NKD2: variants seen among roughly 807,000 people sequenced by gnomAD.
NKD2 encodes NKD inhibitor of Wnt signaling pathway 2.
A neutral mutation model predicts 34.8 loss-of-function variants in NKD2; 43 were observed. The observed-to-expected ratio is 1.24, with a 90% CI of 0.97 to 1.60. The LOEUF is 1.60. NKD2 is among the 40% of genes most tolerant of loss of function. NKD2 has a pLI of 0.00. For missense variants in NKD2, 675 were observed against 627.1 expected (o/e 1.08, Z -0.82); for synonymous variants, 278 against 265.1 (o/e 1.05, Z -0.47).
chr5:1,015,819 G>A (rs1404245791), intron 3 of NKD2, among the ~76,000 whole-genome samples: 1 of 152,200 alleles, frequency 6.6e-6, no homozygotes, highest in African/African-American at 2.4e-5. Flanking sequence ...CTGTGGCTCC[G>A]TCCTCTCACA....
chr5:1,020,669 C>CTTTTT (rs576773512), intron 3 of NKD2, among the ~76,000 whole-genome samples: 18 of 114,200 alleles, frequency 1.6e-4, no homozygotes, highest in Admixed American at 1.8e-4. Context: ...TGTTGCTTGT[C>CTTTTT]TTTTTTTTTT....
intron 3 of NKD2, among the ~76,000 whole-genome samples, chr5:1,018,459 G>C (rs1421801317): frequency 1.3e-5 from 2 of 152,246 alleles, no homozygotes; most frequent in Non-Finnish European, 2.9e-5. Context: ...ACATGGGCCT[G>C]GGGAAGGTGC....
intron 3 of NKD2, among the ~76,000 whole-genome samples, chr5:1,010,827 C>G (rs958416498): frequency 6.6e-6 from 1 of 152,224 alleles, no homozygotes; most frequent in Non-Finnish European, 1.5e-5. Flanking sequence ...TCACCTCTCT[C>G]GTGGTCAGGG....
chr5:1,031,074 G>A (rs912792790), intron 3 of NKD2, among the ~76,000 whole-genome samples: 3 of 152,146 alleles, frequency 2.0e-5, no homozygotes, highest in African/African-American at 4.8e-5. Context: ...AGTGACCACG[G>A]TGGCAGGAGG....
intron 3 of NKD2, among the ~76,000 whole-genome samples, chr5:1,018,323 C>G (rs1309634741): frequency 6.6e-6 from 1 of 152,194 alleles, no homozygotes; most frequent in Non-Finnish European, 1.5e-5. Context: ...AAGCCATGTT[C>G]CTCGGGCTCC....
intron 3 of NKD2, among the ~76,000 whole-genome samples, chr5:1,028,656 G>C (rs1258912500): frequency 6.6e-6 from 1 of 152,162 alleles, no homozygotes; most frequent in Non-Finnish European, 1.5e-5. Flanking sequence ...GGGATGCAGA[G>C]CAGTGGGACA....
intron 3 of NKD2, among the ~76,000 whole-genome samples, chr5:1,025,700 T>G (rs773771179): frequency 3.6e-3 from 38 of 10,494 alleles, no homozygotes; most frequent in African/African-American, 4.5e-3. Context: ...CTTCCCACCC[T>G]CTGTGGGCGT....
chr5:1,033,413 G>C lies in NKD2; in HGVS notation c.244G>C (p.Gly82Arg). Reference protein sequence around the residue: ...AEKAEGREHPGQLLSADDGER... With the variant: ...AEKAEGREHPRQLLSADDGER... Reference sequence around the variant, plus strand: ...GAAAGCTGAGGGCCGCGAGCACCCGGGACAACTCCTCAGCGCAGATGACGG... The same window carrying C: ...GAAAGCTGAGGGCCGCGAGCACCCGCGACAACTCCTCAGCGCAGATGACGG... The change falls in exon 5 of 10, where the codon GGA (glycine) becomes CGA (arginine). Residue 82 changes from glycine to arginine, a missense_variant. Coordinates refer to ENST00000296849, the MANE Select transcript of NKD2 (RefSeq NM_033120.4). 1 of 1,596,700 alleles carries C rather than the reference G, an allele frequency of 6.3e-7. No individual in the cohort carries two copies. The highest frequency in any genetic ancestry group is 8.5e-7 in the Non-Finnish European group (1 of 1,172,490).
At chr5:1,030,673 C>T (rs893358852) in intron 3 of NKD2, among the ~76,000 whole-genome samples, 23 of 152,194 alleles carry the variant, frequency 1.5e-4, no homozygotes, top group African/African-American at 3.4e-4. Flanking sequence ...AAGGCCTCGC[C>T]GGGCTGGGCT....
chr5:1,035,168 G>A (rs1022202347), intron 7 of NKD2, among the ~76,000 whole-genome samples: 1 of 151,624 alleles, frequency 6.6e-6, no homozygotes, highest in Admixed American at 6.6e-5. Flanking sequence ...GAATGAGTGA[G>A]TGTTAATGAA....
intron 3 of NKD2, among the ~76,000 whole-genome samples, chr5:1,013,393 C>T (rs567786911): frequency 6.6e-6 from 1 of 152,194 alleles, no homozygotes; most frequent in Non-Finnish European, 1.5e-5. Context: ...CGTGTTCCTA[C>T]CCTGGGATGT....
At chr5:1,036,759 G>C in intron 9 of NKD2, 1 of 476,974 alleles carries the variant, frequency 2.1e-6, no homozygotes, top group Non-Finnish European at 4.1e-6. Flanking sequence ...AGTCAGCAGA[G>C]GGGGTCGTCC....
In NKD2 at chr5:1,038,181, G is replaced by C; in HGVS notation, c.1164G>C (p.Lys388Asn). The C allele has an allele frequency of 6.3e-7, 1 of 1,587,500 alleles. No homozygotes were observed. The highest frequency in any genetic ancestry group is 8.6e-7 in the Non-Finnish European group (1 of 1,168,778). ...ACGGCCACAAGCGGTACCGCCAAAA[G>C]GGCAGGGAGGGCCACTCGCCACTCA... ...PPYGHKRYRQ[K>N]GREGHSPLKA... Residue 388 changes from lysine to asparagine, a missense_variant, in exon 10 of 10, where the codon AAG (lysine) becomes AAC (asparagine). Coordinates refer to ENST00000296849, the MANE Select transcript of NKD2 (RefSeq NM_033120.4). The surrounding 1 kb of genome is among the most constrained non-coding windows in gnomAD (Gnocchi z 4.5).
intron 3 of NKD2, among the ~76,000 whole-genome samples, chr5:1,029,436 G>A (rs1297536796): frequency 6.6e-6 from 1 of 152,096 alleles, no homozygotes. Context: ...TTGGTGTAGC[G>A]CGCGGAGCGT....
rs770491642 is a variant in NKD2, at chr5:1,032,161, A to C, written c.151A>C (p.Asn51His). The change falls in exon 4 of 10, where the codon AAT (asparagine) becomes CAT (histidine). Residue 51 changes from asparagine (N) to histidine (H), a missense_variant. Coordinates refer to ENST00000296849, the MANE Select transcript of NKD2 (RefSeq NM_033120.4). The part of the protein sequence containing the change: ...RRARDKQELP[N>H]GDPKEGPFRE... ...CCCGTTCTTCCTGCAGGAGCTGCCC[A>C]ATGGGGACCCCAAGGAGGGGCCTTT... 2 of 1,611,526 alleles carry C rather than the reference A, an allele frequency of 1.2e-6. No individual in the cohort carries two copies. The highest frequency in any genetic ancestry group is 2.2e-5 in the South Asian group (2 of 91,012).
At chr5:1,022,399 C>T (rs200400161) in intron 3 of NKD2, among the ~76,000 whole-genome samples, 1 of 90,912 alleles carries the variant, frequency 1.1e-5, no homozygotes, top group African/African-American at 4.6e-5. Context: ...AGCCCGTTGT[C>T]CCTGCTCTTC....
chr5:1,013,706 C>T (rs564002645), intron 3 of NKD2, among the ~76,000 whole-genome samples: 6 of 150,740 alleles, frequency 4.0e-5, no homozygotes, highest in Non-Finnish European at 7.4e-5. Context: ...ACTGGGAGAG[C>T]GTGCTGACTG....
chr5:1,024,236 T>C (rs372267208), intron 3 of NKD2, among the ~76,000 whole-genome samples: 4 of 3,226 alleles, frequency 1.2e-3, no homozygotes, highest in African/African-American at 1.3e-3. Context: ...TGTGGGCGTC[T>C]CAGCCCATTG....
intron 3 of NKD2, among the ~76,000 whole-genome samples, chr5:1,019,371 G>T (rs963285052): frequency 2.0e-5 from 3 of 152,170 alleles, no homozygotes; most frequent in Non-Finnish European, 2.9e-5. Flanking sequence ...CTCACGCGGG[G>T]GTTCTCACCG....
Sources: gnomAD v4.1 joint callset for allele counts (sites outside exome capture counted in the v4.1 genomes callset) on GRCh38, gnomAD v4.1.1 for gene constraint, Gnocchi (gnomAD v3.1) non-coding constraint, MANE v1.5 for transcripts, NCBI Gene and HGNC (gene_info 2026-07-23, HGNC 2026-07-21) for gene names.